The following TULP4 variants were observed in gnomAD, a reference collection of about 807,000 sequenced individuals.
TULP4 encodes TUB like protein 4.
TULP4 carries 16 observed loss-of-function variants against 129.0 expected under a neutral mutation model. The observed-to-expected ratio is 0.12, with a 90% CI of 0.08 to 0.19. The LOEUF (loss-of-function observed/expected upper bound fraction) is 0.19. Among genes scored for constraint, TULP4 ranks in the 10% least tolerant of loss-of-function variants. The pLI, the probability that TULP4 is intolerant of heterozygous loss-of-function variation, is 1.00. For missense variants in TULP4, 1,842 were observed against 2,059.1 expected (o/e 0.89, Z 2.04); for synonymous variants, 998 against 854.0 (o/e 1.17, Z -2.94).
At chr6:158,318,017 C>T (rs950667719) in intron 1 of TULP4, among the ~76,000 whole-genome samples, 3 of 152,164 alleles carry the variant, frequency 2.0e-5, no homozygotes, top group Non-Finnish European at 4.4e-5. Flanking sequence ...TTGTTTCTTT[C>T]TTGTAAATTT....
intron 1 of TULP4, among the ~76,000 whole-genome samples, chr6:158,342,546 TAA>T (rs1780205402): frequency 6.6e-6 from 1 of 152,242 alleles, no homozygotes; most frequent in African/African-American, 2.4e-5. Flanking sequence ...CTTAAGCATA[TAA>T]GTTTCCTAGA....
chr6:158,240,574 C>T (rs1777866941), intron 1 of TULP4, among the ~76,000 whole-genome samples: 1 of 94,664 alleles, frequency 1.1e-5, no homozygotes, highest in Non-Finnish European at 2.4e-5. Context: ...CAGAGGGGCT[C>T]CTCACTTCCC....
At chr6:158,472,591 G>C (rs1779712627) in intron 6 of TULP4, among the ~76,000 whole-genome samples, 1 of 152,114 alleles carries the variant, frequency 6.6e-6, no homozygotes, top group Non-Finnish European at 1.5e-5. Context: ...GCTATTCAAG[G>C]AGTCCAAAGG....
chr6:158,338,937 AG>A (rs1326783615), intron 1 of TULP4, among the ~76,000 whole-genome samples: 2 of 152,198 alleles, frequency 1.3e-5, no homozygotes, highest in Non-Finnish European at 2.9e-5. Flanking sequence ...CTTCTCATGC[AG>A]GTATAAGCCC....
intron 2 of TULP4, among the ~76,000 whole-genome samples, chr6:158,423,374 A>C (rs1778399315): frequency 6.6e-6 from 1 of 152,230 alleles, no homozygotes; most frequent in Non-Finnish European, 1.5e-5. Flanking sequence ...GTTCTGTTAC[A>C]CAGTAGAGTA....
upstream of TULP4, among the ~76,000 whole-genome samples, chr6:158,308,707 G>A (rs572679818): frequency 0.13 from 17,662 of 136,650 alleles, 887 homozygotes; most frequent in East Asian, 0.35. Context: ...AGGGGCGGCC[G>A]GGCAGAGGCG....
At chr6:158,337,515 G>A (rs1236665650) in intron 1 of TULP4, among the ~76,000 whole-genome samples, 1 of 152,104 alleles carries the variant, frequency 6.6e-6, no homozygotes, top group Non-Finnish European at 1.5e-5. Context: ...ACAGGTGGAG[G>A]ACTAAAAATA....
intron 2 of TULP4, among the ~76,000 whole-genome samples, chr6:158,421,372 AAAG>A (rs1481120206): frequency 6.7e-6 from 1 of 150,372 alleles, no homozygotes; most frequent in African/African-American, 2.4e-5. Context: ...AAAAAAAAAA[AAAG>A]AAATACATTG....
chr6:158,240,229 A>C (rs1583665848), intron 1 of TULP4, among the ~76,000 whole-genome samples: 4 of 52,556 alleles, frequency 7.6e-5, no homozygotes, highest in African/African-American at 1.4e-4. Flanking sequence ...TGACCCCCCC[A>C]CCTCCCTCCC....
intron 1 of TULP4, among the ~76,000 whole-genome samples, chr6:158,390,253 A>G (rs1451401355): frequency 2.0e-5 from 3 of 152,192 alleles, no homozygotes; most frequent in Non-Finnish European, 2.9e-5. Context: ...ACAATTATGT[A>G]CATAAATGTA....
Position 158,510,068 on chromosome 6 carries a change from C to T in TULP4, c.*3374C>T, listed in dbSNP as rs1450754957. ...TTTTGAGGGAAGTGTGATATATTAA[C>T]AAATATAACCAATTCTAAATTTGTT... On this transcript the variant is annotated 3_prime_UTR_variant, in exon 14 of 14. Transcript: ENST00000367097. 1 of 152,516 alleles carries T rather than the reference C, an allele frequency of 6.6e-6. No homozygotes were observed. Among genetic ancestry groups the T allele is most frequent in the Non-Finnish European group, 1.5e-5 (1 of 68,010 alleles). 9.4% of individuals were successfully genotyped at this position (152,516 alleles called of 1,614,324 possible).
intron 5 of TULP4, among the ~76,000 whole-genome samples, chr6:158,460,744 G>T (rs532288288): frequency 6.6e-6 from 1 of 152,284 alleles, no homozygotes; most frequent in African/African-American, 2.4e-5. Flanking sequence ...TATCTGCCCA[G>T]TAGTGCCCAG....
At chr6:158,310,853 T>C (rs1292944487), upstream of TULP4, among the ~76,000 whole-genome samples, 1 of 152,248 alleles carries the variant, frequency 6.6e-6, no homozygotes, top group Non-Finnish European at 1.5e-5. Flanking sequence ...GTGTACCTAC[T>C]ATTTTGGGAC....
intron 2 of TULP4, 132 bp from the exon 3 acceptor site, chr6:158,429,604 A>C: frequency 9.9e-7 from 1 of 1,010,770 alleles, no homozygotes; most frequent in Admixed American, 2.7e-5. Flanking sequence ...ATAGCTTTCA[A>C]ATAACATATG....
intron 2 of TULP4, among the ~76,000 whole-genome samples, chr6:158,421,319 G>A (rs1247942727): frequency 2.0e-5 from 3 of 151,822 alleles, no homozygotes; most frequent in East Asian, 3.9e-4. Flanking sequence ...CCGAGATCGC[G>A]CCACTGCACT....
chr6:158,299,087 G>A (rs1035048267), intron 1 of TULP4, among the ~76,000 whole-genome samples: 6 of 151,860 alleles, frequency 4.0e-5, no homozygotes, highest in African/African-American at 1.5e-4. Context: ...AATTTCCAAA[G>A]TTCTGGGTGT....
intron 1 of TULP4, among the ~76,000 whole-genome samples, chr6:158,268,020 T>G (rs751980874): frequency 3.7e-4 from 49 of 133,146 alleles, no homozygotes; most frequent in Non-Finnish European, 5.9e-4. Context: ...TTCTTTTCTT[T>G]TCTTTTTCTT....
rs763279596 is a variant in TULP4 at position 158,481,115 on chromosome 6, G to A, written c.1312G>A (p.Glu438Lys). Residue 438 changes from glutamate to lysine, a missense_variant, in exon 8 of 14, where the codon GAG becomes AAG. Glu to Lys is a moderately conservative substitution (Grantham distance 56). This residue lies in a region of TULP4 where 456 missense variants were observed against 534.3 expected (regional missense o/e 0.85). Coordinates refer to ENST00000367097, the MANE Select transcript of TULP4 (RefSeq NM_020245.5). ...DFVSYPSAGN[E>K]RLHCTMKRTE... The stretch of plus-strand genomic sequence containing the variant: ...TGTCAGCTACCCATCAGCCGGCAAC[G>A]AGCGGCTGCACTGCACCATGAAGCG... The A allele has an allele frequency of 1.2e-6, 2 of 1,601,186 alleles. No homozygotes were observed. The highest frequency in any genetic ancestry group is 2.2e-5 in the East Asian group (1 of 44,512).
intron 1 of TULP4, among the ~76,000 whole-genome samples, chr6:158,252,322 CTT>C (rs370152701): frequency 0.18 from 25,188 of 138,106 alleles, 2,518 homozygotes; most frequent in Middle Eastern, 0.27. Flanking sequence ...AATGTTTTTT[CTT>C]TTTTTTTTTT....
Sources: gnomAD v4.1 joint callset for allele counts (sites outside exome capture counted in the v4.1 genomes callset) on GRCh38, gnomAD v4.1.1 for gene constraint, gnomAD v4.1.1 regional missense constraint, MANE v1.5 for transcripts, NCBI Gene and HGNC (gene_info 2026-07-23, HGNC 2026-07-21) for gene names.